DNAJB12: variants seen among roughly 807,000 people sequenced by gnomAD.
The protein encoded by DNAJB12 is dnaJ homolog subfamily B member 12.
DNAJB12 carries 14 observed loss-of-function variants against 40.6 expected under a neutral mutation model. The ratio of observed to expected loss-of-function variants is 0.34; its 90% confidence interval spans 0.23 to 0.54. The LOEUF (loss-of-function observed/expected upper bound fraction) is 0.54. Among genes scored for constraint, DNAJB12 ranks in the 20% least tolerant of loss-of-function variants. The pLI, the probability that DNAJB12 is intolerant of heterozygous loss-of-function variation, is 0.92. For synonymous variants in DNAJB12, 181 were observed against 199.5 expected (o/e 0.91, Z 0.78); for missense variants, 444 against 501.7 (o/e 0.89, Z 1.10).
intron 1 of DNAJB12, among the ~76,000 whole-genome samples, chr10:72,351,643 A>G (rs1861938461): frequency 6.6e-6 from 1 of 152,054 alleles, no homozygotes; most frequent in Non-Finnish European, 1.5e-5. Flanking sequence ...CTCCATCTCA[A>G]TCTGTTGCTT....
intron 3 of DNAJB12, 96 bp downstream of exon 3, chr10:72,343,270 C>T (rs1409435512): frequency 3.4e-6 from 5 of 1,477,122 alleles, no homozygotes; most frequent in Non-Finnish European, 1.8e-6. Flanking sequence ...CTTCCTCCTG[C>T]TCCCTGCTTC....
intron 1 of DNAJB12, among the ~76,000 whole-genome samples, chr10:72,351,909 G>C (rs1861945341): frequency 2.6e-5 from 4 of 152,194 alleles, no homozygotes; most frequent in Admixed American, 2.6e-4. Flanking sequence ...TCTTCAGCCT[G>C]GTTTCTTCCT....
chr10:72,338,436 C>T, intron 5 of DNAJB12, 125 bp from the exon 6 acceptor site: 1 of 686,134 alleles, frequency 1.5e-6, no homozygotes, highest in Non-Finnish European at 2.4e-6. Flanking sequence ...CCGTTCCCTC[C>T]ACGAGGCTCC....
intron 5 of DNAJB12, among the ~76,000 whole-genome samples, chr10:72,340,437 T>C (rs942820182): frequency 1.3e-5 from 2 of 152,168 alleles, no homozygotes; most frequent in Non-Finnish European, 2.9e-5. Flanking sequence ...TCTCACAAAG[T>C]GTAACTTTCC....
Position 72,334,440 on chromosome 10 carries a change from G to A in DNAJB12, c.*208C>T. 2 of 1,003,468 alleles carry A rather than the reference G, an allele frequency of 2.0e-6. No individual in the cohort carries two copies. Among genetic ancestry groups the A allele is most frequent in the African/African-American group, 1.6e-5 (1 of 61,706 alleles). 62.2% of individuals were successfully genotyped at this position (1,003,468 alleles called of 1,614,324 possible). The stretch of plus-strand genomic sequence containing the variant: ...GAGGGAGGGAAGCAGCCCCATGGCA[G>A]GTTTTCTGTCTGTCCTAAGAGCTTT... On this transcript the variant is annotated 3_prime_UTR_variant, in exon 9 of 9. Coordinates refer to ENST00000444643, the MANE Select transcript of DNAJB12 (RefSeq NM_017626.7).
chr10:72,348,652 G>C (rs995193962), intron 1 of DNAJB12, among the ~76,000 whole-genome samples: 2 of 152,248 alleles, frequency 1.3e-5, no homozygotes, highest in Non-Finnish European at 2.9e-5. Context: ...CGCACTCCGA[G>C]CTTGTGTGAT....
chr10:72,345,193 C>A, intron 1 of DNAJB12, 66 bp from the exon 2 acceptor site: 1 of 1,539,234 alleles, frequency 6.5e-7, no homozygotes, highest in Admixed American at 1.9e-5. Context: ...GCCGAGCGGC[C>A]CGCTGCTTCC....
Position 72,334,474 on chromosome 10 carries a change from A to G in DNAJB12, c.*174T>C, listed in dbSNP as rs532860635. 1 of 1,285,546 alleles carries G rather than the reference A, an allele frequency of 7.8e-7. No individual in the cohort carries two copies. The highest frequency in any genetic ancestry group is 1.5e-5 in the African/African-American group (1 of 67,848). 79.6% of individuals were successfully genotyped at this position (1,285,546 alleles called of 1,614,324 possible). ...TCTGTCCTAAGAGCTTTCTGCATTT[A>G]CTGGGTGAGAGAGAGGGCAGCTGTG... On this transcript the variant is annotated 3_prime_UTR_variant, in exon 9 of 9. Coordinates refer to ENST00000444643, the MANE Select transcript of DNAJB12 (RefSeq NM_017626.7).
rs1350277465 is a variant in DNAJB12 at position 72,335,437 on chromosome 10, G to C, written c.*30+343C>G. 6.5e-6 allele frequency: 7 copies of C among 1,081,406 alleles called. No homozygotes were observed. Among genetic ancestry groups the C allele is most frequent in the Non-Finnish European group, 6.8e-6 (6 of 885,276 alleles). The allele number at this position is 1,081,406 out of a possible 1,614,324, so 67.0% of individuals were successfully genotyped here. On this transcript the variant is annotated intron_variant, in intron 8 of 8. Transcript: ENST00000444643. The surrounding 1 kb of genome is among the most constrained non-coding windows in gnomAD (Gnocchi z 4.4). ...ACAATAGTCTGCTGTGCTGGAGAAAGGGCCGTGCTGACTGATGGCTGGAGT... is the reference window on the plus strand; with the variant it reads ...ACAATAGTCTGCTGTGCTGGAGAAACGGCCGTGCTGACTGATGGCTGGAGT...
In DNAJB12 at chr10:72,354,754, C is replaced by T. The variant is rs1862026989; in HGVS notation, c.133+11G>A. 1.2e-6 allele frequency: 2 copies of T among 1,608,950 alleles called. No homozygotes were observed. The highest frequency in any genetic ancestry group is 2.7e-5 in the African/African-American group (2 of 74,852). On this transcript the variant is annotated intron_variant, in intron 1 of 8. Transcript: ENST00000444643. ...CTAATGTCCCCAGTCTCTCCGGCAC[C>T]TCACACTCACCGCGAACTCGCGGCG...
At chr10:72,345,275 C>A (rs1861754912) in intron 1 of DNAJB12, 148 bp from the exon 2 acceptor site, 6 of 889,560 alleles carry the variant, frequency 6.7e-6, no homozygotes, top group Non-Finnish European at 1.0e-5. Context: ...GGGGGACAGT[C>A]ATCTGCTCTC....
intron 5 of DNAJB12, 122 bp from the exon 6 acceptor site, chr10:72,338,433 C>T: frequency 1.5e-6 from 1 of 685,346 alleles, no homozygotes; most frequent in Non-Finnish European, 2.5e-6. Context: ...CTGCCGTTCC[C>T]TCCACGAGGC....
chr10:72,349,328 G>T (rs1050679681), intron 1 of DNAJB12, among the ~76,000 whole-genome samples: 1 of 152,140 alleles, frequency 6.6e-6, no homozygotes, highest in East Asian at 1.9e-4. Flanking sequence ...CTGTGGTGGG[G>T]GCTGGGGAGG....
Position 72,333,649 on chromosome 10 carries a change from G to C in DNAJB12, c.*999C>G, listed in dbSNP as rs190938736. ...GCACCTATAAGGCAAAGCCCACTGA[G>C]GGACTTAGGGGTGGGGAAATGGTTA... On this transcript the variant is annotated 3_prime_UTR_variant, in exon 9 of 9. Coordinates refer to ENST00000444643, the MANE Select transcript of DNAJB12 (RefSeq NM_017626.7). 1.5e-4 allele frequency: 23 copies of C among 152,888 alleles called. No homozygotes were observed. Among genetic ancestry groups the C allele is most frequent in the East Asian group, 1.9e-4 (1 of 5,190 alleles). 9.5% of individuals were successfully genotyped at this position (152,888 alleles called of 1,614,324 possible). A position where few individuals can be genotyped will look rare whatever the true frequency, so the allele number is the denominator to read the frequency against.
chr10:72,335,462 T>G lies in DNAJB12; in HGVS notation c.*30+318A>C, dbSNP rs1589121757. 2 of 1,103,204 alleles carry G rather than the reference T, an allele frequency of 1.8e-6. No homozygotes were observed. The highest frequency in any genetic ancestry group is 1.1e-6 in the Non-Finnish European group (1 of 898,776). 68.3% of individuals were successfully genotyped at this position (1,103,204 alleles called of 1,614,324 possible). On this transcript the variant is annotated intron_variant, in intron 8 of 8. Coordinates refer to ENST00000444643, the MANE Select transcript of DNAJB12 (RefSeq NM_017626.7). The surrounding 1 kb of genome is among the most constrained non-coding windows in gnomAD (Gnocchi z 4.4). ...GGGCCGTGCTGACTGATGGCTGGAG[T>G]GGACCAAGAAGCCCCGGGTGGCCCT...
chr10:72,338,598 G>A (rs957332619), intron 5 of DNAJB12, among the ~76,000 whole-genome samples: 9 of 151,408 alleles, frequency 5.9e-5, no homozygotes, highest in Admixed American at 2.6e-4. Flanking sequence ...TCCTCCAGGA[G>A]AATGGAAGGC....
chr10:72,335,495 A>G lies in DNAJB12; in HGVS notation c.*30+285T>C. On this transcript the variant is annotated intron_variant, in intron 8 of 8. Coordinates refer to ENST00000444643, the MANE Select transcript of DNAJB12 (RefSeq NM_017626.7). The surrounding 1 kb of genome is among the most constrained non-coding windows in gnomAD (Gnocchi z 4.4). ...GAAGCCCCGGGTGGCCCTCAGCAAC[A>G]GTTTCAAGTTCCCACTCTGCCTGGT... 8.7e-7 allele frequency: 1 copy of G among 1,155,752 alleles called. No homozygotes were observed. Among genetic ancestry groups the G allele is most frequent in the South Asian group, 2.3e-5 (1 of 42,786 alleles). The allele number at this position is 1,155,752 out of a possible 1,614,324, so 71.6% of individuals were successfully genotyped here.
intron 5 of DNAJB12, among the ~76,000 whole-genome samples, chr10:72,338,557 C>CAAAAA (rs373961270): frequency 8.2e-6 from 1 of 121,630 alleles, no homozygotes. Flanking sequence ...GACAGAATGC[C>CAAAAA]AAAAAAAAAA....
In DNAJB12 at chr10:72,345,126, G is replaced by A. The variant is rs746496242; in HGVS notation, c.135C>T (p.Ala45=). 1.6e-5 allele frequency: 26 copies of A among 1,601,622 alleles called. No homozygotes were observed. In the East Asian group the frequency reaches 5.6e-4, roughly 34 times the overall value. ...QRLYPTPRVR[A]LIESLNQKPQ... The stretch of plus-strand genomic sequence containing the variant: ...GTTTCTGGTTGAGGGACTCAATCAG[G>A]GCTGTGCAAGGCAAGGAAACCATTC... The change falls in exon 2 of 9, where the codon GCC becomes GCT. Residue 45 remains alanine (A), a splice_region_variant and synonymous_variant. Transcript: ENST00000444643.
Sources: gnomAD v4.1 joint callset for allele counts (sites outside exome capture counted in the v4.1 genomes callset) on GRCh38, gnomAD v4.1.1 for gene constraint, Gnocchi (gnomAD v3.1) non-coding constraint, MANE v1.5 for transcripts, NCBI Gene and HGNC (gene_info 2026-07-23, HGNC 2026-07-21) for gene names.